PRORP: variants seen among roughly 807,000 people sequenced by gnomAD.
PRORP encodes protein only RNase P catalytic subunit.
In PRORP, 51 loss-of-function variants were observed where a neutral mutation model predicts 59.4. The ratio of observed to expected loss-of-function variants is 0.86; its 90% CI spans 0.69 to 1.08. PRORP has a LOEUF of 1.08. PRORP is among the 50% of genes least tolerant of loss of function. The probability of loss-of-function intolerance (pLI) is 0.00; values close to 1 mark genes in which losing one functional copy is unlikely to be tolerated. For synonymous variants in PRORP, 231 were observed against 245.6 expected, an observed-to-expected ratio of 0.94 and a Z score of 0.55; for missense variants, 646 against 690.3, an observed-to-expected ratio of 0.94 and a Z score of 0.72.
At chr14:35,214,645 G>A (rs1237769328) in intron 5 of PRORP, among the ~76,000 whole-genome samples, 1 of 152,254 alleles carries the variant, frequency 6.6e-6, no homozygotes, top group East Asian at 1.9e-4. Flanking sequence ...GGTGGCTCAC[G>A]CCTATAATCT....
At chr14:35,176,721 A>T (rs2048461020) in intron 4 of PRORP, among the ~76,000 whole-genome samples, 1 of 152,166 alleles carries the variant, frequency 6.6e-6, no homozygotes, top group Non-Finnish European at 1.5e-5. Context: ...TTCCTAATTG[A>T]ATACCCTTTA....
intron 5 of PRORP, among the ~76,000 whole-genome samples, chr14:35,256,417 C>T (rs1208130653): frequency 4.1e-5 from 6 of 144,800 alleles, no homozygotes; most frequent in South Asian, 2.2e-4. Context: ...CTGCAGCCTC[C>T]GCCTCCTGGG....
At chr14:35,163,170 G>A (rs1193515683) in intron 4 of PRORP, among the ~76,000 whole-genome samples, 1 of 151,972 alleles carries the variant, frequency 6.6e-6, no homozygotes, top group African/African-American at 2.4e-5. Context: ...GCAAAATCAT[G>A]TTTTATATAT....
chr14:35,155,675 A>G (rs2047896983), intron 4 of PRORP, among the ~76,000 whole-genome samples: 1 of 151,796 alleles, frequency 6.6e-6, no homozygotes, highest in Non-Finnish European at 1.5e-5. Flanking sequence ...CAGAAGCAAC[A>G]TCTTCCTAAT....
chr14:35,204,679 A>C (rs1473552042), intron 5 of PRORP, among the ~76,000 whole-genome samples: 1 of 152,198 alleles, frequency 6.6e-6, no homozygotes, highest in Non-Finnish European at 1.5e-5. Context: ...AGCAGAAGAC[A>C]ATATCAGCAA....
intron 5 of PRORP, chr14:35,222,573 A>G (rs999915779): frequency 2.6e-5 from 4 of 152,226 alleles, no homozygotes; most frequent in Non-Finnish European, 5.9e-5. Context: ...TTTAAGGTCC[A>G]CACAGATAAC....
chr14:35,175,240 T>C (rs949171186), intron 4 of PRORP, among the ~76,000 whole-genome samples: 1 of 152,136 alleles, frequency 6.6e-6, no homozygotes, highest in African/African-American at 2.4e-5. Flanking sequence ...TGATTTATAA[T>C]CCTTTGGGTA....
intron 5 of PRORP, among the ~76,000 whole-genome samples, chr14:35,182,606 T>C (rs2048642446): frequency 6.6e-6 from 1 of 151,918 alleles, no homozygotes. Context: ...GATCTTGCCA[T>C]TGCACTCCAG....
chr14:35,244,776 C>G (rs542722742), intron 5 of PRORP, among the ~76,000 whole-genome samples: 1 of 152,284 alleles, frequency 6.6e-6, no homozygotes, highest in South Asian at 2.1e-4. Flanking sequence ...CTCTTCTAAC[C>G]TCGTCTCCTT....
At chr14:35,151,085 AGT>A in intron 4 of PRORP, among the ~76,000 whole-genome samples, 1 of 152,234 alleles carries the variant, frequency 6.6e-6, no homozygotes, top group Non-Finnish European at 1.5e-5. Flanking sequence ...TTATGGGAAA[AGT>A]GTTGTGAGTT....
chr14:35,246,419 C>T (rs1469809023), intron 5 of PRORP, among the ~76,000 whole-genome samples: 1 of 152,176 alleles, frequency 6.6e-6, no homozygotes, highest in Non-Finnish European at 1.5e-5. Context: ...AATCCTTCTT[C>T]AGCAGTTTTC....
intron 4 of PRORP, among the ~76,000 whole-genome samples, chr14:35,129,134 G>C (rs2047171983): frequency 6.6e-6 from 1 of 151,980 alleles, no homozygotes; most frequent in Non-Finnish European, 1.5e-5. Context: ...CTTGAACCCA[G>C]GAGGCGGAGG....
At chr14:35,215,447 G>GA (rs1216316766) in intron 5 of PRORP, among the ~76,000 whole-genome samples, 3 of 151,932 alleles carry the variant, frequency 2.0e-5, no homozygotes, top group African/African-American at 4.8e-5. Flanking sequence ...AAGTTTCAAA[G>GA]AAAAAAATAA....
chr14:35,132,501 G>A (rs1232876667), intron 4 of PRORP, among the ~76,000 whole-genome samples: 4 of 150,164 alleles, frequency 2.7e-5, no homozygotes, highest in African/African-American at 7.4e-5. Flanking sequence ...TGGATTATTC[G>A]TCCAGGCATT....
chr14:35,206,477 G>GGCCA (rs2049298119), intron 5 of PRORP, among the ~76,000 whole-genome samples: 1 of 152,088 alleles, frequency 6.6e-6, no homozygotes, highest in Admixed American at 6.5e-5. Flanking sequence ...TTTAATTACT[G>GGCCA]GCCAGGTCTA....
upstream of PRORP, chr14:35,122,027 C>T (rs1388884525): frequency 1.3e-6 from 2 of 1,562,246 alleles, no homozygotes; most frequent in Non-Finnish European, 1.8e-6. Flanking sequence ...CCAGCTCAGG[C>T]GTCAGCACCG....
intron 4 of PRORP, among the ~76,000 whole-genome samples, chr14:35,128,301 G>GT (rs575648314): frequency 0.11 from 15,400 of 145,288 alleles, 1,024 homozygotes; most frequent in African/African-American, 0.19. Flanking sequence ...TGTTTTTTGG[G>GT]TTTTTTTTTT....
chr14:35,239,361 A>C (rs943130829), intron 5 of PRORP, among the ~76,000 whole-genome samples: 5 of 151,938 alleles, frequency 3.3e-5, no homozygotes, highest in East Asian at 1.9e-4. Flanking sequence ...AAAAAAAAAA[A>C]AAAAACAAAC....
chr14:35,264,364 T>C (rs1212558219), intron 5 of PRORP, among the ~76,000 whole-genome samples: 1 of 151,952 alleles, frequency 6.6e-6, no homozygotes, highest in Non-Finnish European at 1.5e-5. Flanking sequence ...TCAAGTGATC[T>C]GCCCACCTTG....
Sources: allele counts gnomAD v4.1 joint callset (sites outside exome capture counted in the v4.1 genomes callset), GRCh38; gene constraint gnomAD v4.1.1; transcripts MANE v1.5; gene names NCBI Gene and HGNC (gene_info 2026-07-23, HGNC 2026-07-21).